CSNK1G2: variants seen among roughly 807,000 people sequenced by gnomAD.
CSNK1G2 encodes the protein casein kinase 1 gamma 2.
In CSNK1G2, 11 loss-of-function variants were observed where a neutral mutation model predicts 48.0. The ratio of observed to expected loss-of-function variants is 0.23; its 90% confidence interval spans 0.14 to 0.38. The LOEUF (loss-of-function observed/expected upper bound fraction) is 0.38, where lower values mean the gene tolerates loss of function less well. Ranked by LOEUF, CSNK1G2 falls within the 10% of genes least tolerant of loss-of-function variation. The pLI is 1.00. For synonymous variants in CSNK1G2, 337 were observed against 254.1 expected (o/e 1.33, Z -3.10); for missense variants, 446 against 595.5 (o/e 0.75, Z 2.61).
At chr19:1,942,836 A>C (rs921131242) in intron 1 of CSNK1G2, among the ~76,000 whole-genome samples, 1 of 152,138 alleles carries the variant, frequency 6.6e-6, no homozygotes, top group African/African-American at 2.4e-5. Flanking sequence ...TGTCACTGGT[A>C]CTTTGTTTTG....
rs1381488797 is a variant in CSNK1G2 at position 1,978,536 on chromosome 19, C to T, written c.298+25C>T. The T allele has an allele frequency of 1.9e-6, 3 of 1,567,876 alleles. No individual in the cohort carries two copies. The highest frequency in any genetic ancestry group is 8.6e-7 in the Non-Finnish European group (1 of 1,157,476). On this transcript the variant is annotated intron_variant, in intron 4 of 11. Coordinates refer to ENST00000255641, the MANE Select transcript of CSNK1G2 (RefSeq NM_001319.7). This position sits in a 1 kb window ranked among gnomAD's most constrained non-coding sequence, Gnocchi z 7.3. The stretch of plus-strand genomic sequence containing the variant: ...GGTACCGGGCGGCCCGCGGGTGGGG[C>T]GGGGGCTGCGCAGGGGCAGGGAGGG...
In CSNK1G2 at chr19:1,962,807, C is replaced by T. The variant is rs984979139; in HGVS notation, c.-265-6701C>T. ...CTCAAAGATGCACAGATCTCCCATCCGACCCAGCACGACCACTCCCAGCTA... is the reference window on the plus strand; with the variant it reads ...CTCAAAGATGCACAGATCTCCCATCTGACCCAGCACGACCACTCCCAGCTA... On this transcript the variant is annotated intron_variant, in intron 1 of 11. Coordinates refer to ENST00000255641, the MANE Select transcript of CSNK1G2 (RefSeq NM_001319.7). Among the ~76,000 whole-genome samples, 23 of 151,952 alleles carry T rather than the reference C, an allele frequency of 1.5e-4. 1 individual carries two copies. Among genetic ancestry groups the T allele is most frequent in the East Asian group, 9.6e-4 (5 of 5,198 alleles).
intron 1 of CSNK1G2, chr19:1,942,320 G>C (rs969800532): frequency 1.9e-4 from 29 of 152,476 alleles, no homozygotes; most frequent in African/African-American, 7.0e-4. Flanking sequence ...GGGGCTGAGA[G>C]GACATTCGGG....
In CSNK1G2 at chr19:1,979,106, C is replaced by G. The variant is rs779803565; in HGVS notation, c.682+13C>G. ...CACCTGGGCAAGGGTGAGCTGCGCG[C>G]GCGCGGCGGGGGGCGGGCGCCCGGA... On this transcript the variant is annotated intron_variant, in intron 6 of 11. Coordinates refer to ENST00000255641, the MANE Select transcript of CSNK1G2 (RefSeq NM_001319.7). 3 of 1,586,518 alleles carry G rather than the reference C, an allele frequency of 1.9e-6. No individual in the cohort carries two copies. Among genetic ancestry groups the G allele is most frequent in the South Asian group, 2.2e-5 (2 of 90,182 alleles).
chr19:1,953,214 C>A (rs1459920769), intron 1 of CSNK1G2, among the ~76,000 whole-genome samples: 1 of 152,146 alleles, frequency 6.6e-6, no homozygotes, highest in Non-Finnish European at 1.5e-5. Flanking sequence ...CTGCACGTTC[C>A]CCCCGCTGTC....
At chr19:1,966,716 G>A (rs1270394728) in intron 1 of CSNK1G2, among the ~76,000 whole-genome samples, 1 of 152,052 alleles carries the variant, frequency 6.6e-6, no homozygotes, top group Non-Finnish European at 1.5e-5. Context: ...CAACTTTTTT[G>A]TGGTCATAGT....
At position 1,979,580 on chromosome 19, in the gene CSNK1G2, C is replaced by A; in HGVS notation, c.939C>A (p.Thr313=). The A allele has an allele frequency of 1.9e-6, 3 of 1,607,980 alleles. No individual in the cohort carries two copies. The highest frequency in any genetic ancestry group is 2.5e-6 in the Non-Finnish European group (3 of 1,179,898). Residue 313 remains threonine, a synonymous_variant, in exon 9 of 12, where the codon ACC becomes ACA. Coordinates refer to ENST00000255641, the MANE Select transcript of CSNK1G2 (RefSeq NM_001319.7). ...PDYDYLRKLF[T]DLFDRSGFVF... is the part of the protein sequence containing the mutation. ...ATGACTACCTGCGGAAGCTCTTCAC[C>A]GACCTCTTCGACCGCAGTGGCTTCG...
rs746657543 is a variant in CSNK1G2 at position 1,979,605 on chromosome 19, G to C, written c.964G>C (p.Val322Leu). 2 of 1,606,398 alleles carry C rather than the reference G, an allele frequency of 1.2e-6. No individual in the cohort carries two copies. The highest frequency in any genetic ancestry group is 1.3e-5 in the African/African-American group (1 of 74,888). Residue 322 changes from valine (V) to leucine (L), a missense_variant, in exon 9 of 12, where the codon GTG becomes CTG. Transcript: ENST00000255641. ...CGACCTCTTCGACCGCAGTGGCTTC[G>C]TGTTCGACTATGAGTACGACTGGGC... ...FTDLFDRSGFVFDYEYDWAGK... is the reference protein window; with the variant it reads ...FTDLFDRSGFLFDYEYDWAGK...
rs1293005711 is a variant in CSNK1G2 at position 1,979,654 on chromosome 19, G to T, written c.1002+11G>T. The T allele has an allele frequency of 6.2e-7, 1 of 1,602,308 alleles. No individual in the cohort carries two copies. Among genetic ancestry groups the T allele is most frequent in the Admixed American group, 1.7e-5 (1 of 59,984 alleles). On this transcript the variant is annotated intron_variant, in intron 9 of 11. Transcript: ENST00000255641. Reference sequence around the variant, plus strand: ...GCCGGGAAGCCCCTGGTAGGTGGGGGGGTGCCGGTATGTGGGAGCGGGGGA... The same window carrying T: ...GCCGGGAAGCCCCTGGTAGGTGGGGTGGTGCCGGTATGTGGGAGCGGGGGA...
chr19:1,947,195 C>T (rs2014595329), intron 1 of CSNK1G2, among the ~76,000 whole-genome samples: 1 of 151,202 alleles, frequency 6.6e-6, no homozygotes. Flanking sequence ...AAACTTCCAC[C>T]CTCCAGAGTG....
At chr19:1,975,489 G>A in intron 2 of CSNK1G2, 1 of 985,478 alleles carries the variant, frequency 1.0e-6, no homozygotes, top group Non-Finnish European at 1.2e-6. Flanking sequence ...GGGCAGATGG[G>A]CAAACCAAAC....
chr19:1,962,334 C>T (rs560411635), intron 1 of CSNK1G2, among the ~76,000 whole-genome samples: 1 of 149,208 alleles, frequency 6.7e-6, no homozygotes, highest in East Asian at 2.0e-4. Flanking sequence ...CTGTCAACAA[C>T]AACAACAAAA....
intron 1 of CSNK1G2, among the ~76,000 whole-genome samples, chr19:1,960,564 C>T (rs2015165074): frequency 6.6e-6 from 1 of 152,174 alleles, no homozygotes; most frequent in Non-Finnish European, 1.5e-5. Context: ...TGTGTACACG[C>T]ATGTGGTTTT....
intron 1 of CSNK1G2, chr19:1,953,991 C>A (rs1255346768): frequency 1.9e-6 from 1 of 533,828 alleles, no homozygotes; most frequent in South Asian, 1.4e-5. Flanking sequence ...TGACAGTCGC[C>A]CTTGGTCTGG....
At position 1,978,530 on chromosome 19, in the gene CSNK1G2, G is replaced by T. The variant is rs566084947; in HGVS notation, c.298+19G>T. The T allele has an allele frequency of 1.4e-4, 220 of 1,571,068 alleles. No individual in the cohort carries two copies. In the African/African-American group the frequency reaches 2.6e-3, roughly 19 times the overall value. Reference sequence around the variant, plus strand: ...GCCACAGGTACCGGGCGGCCCGCGGGTGGGGCGGGGGCTGCGCAGGGGCAG... The same window carrying T: ...GCCACAGGTACCGGGCGGCCCGCGGTTGGGGCGGGGGCTGCGCAGGGGCAG... On this transcript the variant is annotated intron_variant, in intron 4 of 11. Coordinates refer to ENST00000255641, the MANE Select transcript of CSNK1G2 (RefSeq NM_001319.7). The surrounding 1 kb of genome is among the most constrained non-coding windows in gnomAD (Gnocchi z 7.3).
At chr19:1,965,990 G>A (rs543265806) in intron 1 of CSNK1G2, among the ~76,000 whole-genome samples, 8 of 152,064 alleles carry the variant, frequency 5.3e-5, no homozygotes, top group Non-Finnish European at 1.2e-4. Context: ...GTAAAGATAG[G>A]GTCTCCCTGT....
chr19:1,970,692 A>C (rs2015537882), intron 2 of CSNK1G2, among the ~76,000 whole-genome samples: 1 of 152,120 alleles, frequency 6.6e-6, no homozygotes, highest in African/African-American at 2.4e-5. Context: ...AATGTGGTTA[A>C]ATTTATTGCT....
At chr19:1,956,812 C>T (rs2015015906) in intron 1 of CSNK1G2, among the ~76,000 whole-genome samples, 1 of 152,220 alleles carries the variant, frequency 6.6e-6, no homozygotes, top group African/African-American at 2.4e-5. Flanking sequence ...GCTTCTGTCT[C>T]CGGGCCAGGA....
rs754133362 is a variant in CSNK1G2 at position 1,979,372 on chromosome 19, G to A, written c.822G>A (p.Thr274=). The A allele has an allele frequency of 6.2e-7, 1 of 1,602,856 alleles. No individual in the cohort carries two copies. Among genetic ancestry groups the A allele is most frequent in the Non-Finnish European group, 8.5e-7 (1 of 1,176,144 alleles). ...YQKIGDTKRA[T]PIEVLCENFP... ...AGATCGGGGACACCAAACGCGCCAC[G>A]CCCATCGAGGTGCTCTGCGAGAACT... Residue 274 remains threonine, a synonymous_variant, in exon 8 of 12, where the codon ACG becomes ACA. Coordinates refer to ENST00000255641, the MANE Select transcript of CSNK1G2 (RefSeq NM_001319.7).
Sources: gnomAD v4.1 joint callset for allele counts (sites outside exome capture counted in the v4.1 genomes callset) on GRCh38, gnomAD v4.1.1 for gene constraint, Gnocchi (gnomAD v3.1) non-coding constraint, MANE v1.5 for transcripts, NCBI Gene and HGNC (gene_info 2026-07-23, HGNC 2026-07-21) for gene names.